ABTB3: variants seen among roughly 807,000 people sequenced by gnomAD.
ABTB3 encodes the protein ankyrin repeat- and BTB/POZ domain-containing protein 3.
chr12:107,543,678 T>C, the ABTB3 span, among the ~76,000 whole-genome samples: 2 of 152,118 alleles, frequency 1.3e-5, no homozygotes, highest in East Asian at 3.9e-4. Context: ...TTAGAAACAT[T>C]GGGTTCCAGA....
chr12:107,388,181 A>G, the ABTB3 span, among the ~76,000 whole-genome samples: 13 of 151,944 alleles, frequency 8.6e-5, no homozygotes, highest in Non-Finnish European at 2.9e-5. Flanking sequence ...CATGTTGCCC[A>G]GGCTAGCCTC....
the ABTB3 span, among the ~76,000 whole-genome samples, chr12:107,582,114 G>A: frequency 6.6e-6 from 1 of 152,140 alleles, no homozygotes; most frequent in African/African-American, 2.4e-5. Flanking sequence ...GATCTGATTG[G>A]GGTTCTGCAA....
the ABTB3 span, among the ~76,000 whole-genome samples, chr12:107,395,290 C>T: frequency 6.6e-6 from 1 of 151,460 alleles, no homozygotes; most frequent in Non-Finnish European, 1.5e-5. Flanking sequence ...ATTAGTACTT[C>T]CTCCTGGCAC....
chr12:107,338,946 C>G, the ABTB3 span, among the ~76,000 whole-genome samples: 1 of 152,188 alleles, frequency 6.6e-6, no homozygotes, highest in Non-Finnish European at 1.5e-5. Flanking sequence ...CTTGCCTCAG[C>G]CTCCAGGGTA....
chr12:107,411,686 T>G, the ABTB3 span, among the ~76,000 whole-genome samples: 2 of 152,218 alleles, frequency 1.3e-5, no homozygotes, highest in African/African-American at 2.4e-5. Context: ...AAGGGCCTCA[T>G]GAGCTATACA....
chr12:107,621,397 C>T, the ABTB3 span, among the ~76,000 whole-genome samples: 3,350 of 152,288 alleles, frequency 0.022, 129 homozygotes, highest in African/African-American at 0.076. Context: ...GAGACTTTCA[C>T]CTGAAATCAC....
At chr12:107,471,614 A>G in the ABTB3 span, among the ~76,000 whole-genome samples, 4 of 152,164 alleles carry the variant, frequency 2.6e-5, no homozygotes, top group African/African-American at 7.2e-5. Context: ...CTTTGCCTGC[A>G]ATCTGTAACT....
chr12:107,319,957 G>C, the ABTB3 span: 5 of 1,575,828 alleles, frequency 3.2e-6, no homozygotes, highest in Admixed American at 3.5e-5. Flanking sequence ...ACCACCATGC[G>C]CTCCACGAGG....
At chr12:107,640,322 C>T in the ABTB3 span, 2 of 1,568,580 alleles carry the variant, frequency 1.3e-6, no homozygotes, top group Non-Finnish European at 8.7e-7. Context: ...TCCTCATTTT[C>T]TTAACAATAA....
At chr12:107,479,614 C>T in the ABTB3 span, among the ~76,000 whole-genome samples, 1 of 152,072 alleles carries the variant, frequency 6.6e-6, no homozygotes, top group Non-Finnish European at 1.5e-5. Context: ...AATTTGTTCC[C>T]TGTCCCTTAA....
the ABTB3 span, among the ~76,000 whole-genome samples, chr12:107,524,055 CCT>C: frequency 1.1e-4 from 17 of 152,214 alleles, no homozygotes; most frequent in Non-Finnish European, 1.8e-4. Context: ...CTGCTCTTCA[CCT>C]AAGAGGCAGC....
At chr12:107,497,374 G>A in the ABTB3 span, among the ~76,000 whole-genome samples, 9 of 144,824 alleles carry the variant, frequency 6.2e-5, no homozygotes, top group African/African-American at 1.6e-4. Context: ...CATCACCATC[G>A]CCACCATCAT....
At chr12:107,543,426 C>T in the ABTB3 span, among the ~76,000 whole-genome samples, 2 of 151,262 alleles carry the variant, frequency 1.3e-5, no homozygotes, top group African/African-American at 4.9e-5. Context: ...GAGGGGGTTT[C>T]CTAGAGGAAT....
the ABTB3 span, among the ~76,000 whole-genome samples, chr12:107,450,274 G>A: frequency 6.6e-6 from 1 of 152,098 alleles, no homozygotes; most frequent in African/African-American, 2.4e-5. Flanking sequence ...TATTGTAGGG[G>A]CAAGGGAAAG....
the ABTB3 span, among the ~76,000 whole-genome samples, chr12:107,455,654 G>A: frequency 1.3e-5 from 2 of 152,300 alleles, no homozygotes; most frequent in East Asian, 3.9e-4. Context: ...CCAGGGGATA[G>A]CTCTATGGTT....
chr12:107,527,137 C>T, the ABTB3 span, among the ~76,000 whole-genome samples: 1 of 152,126 alleles, frequency 6.6e-6, no homozygotes, highest in Non-Finnish European at 1.5e-5. Context: ...CCCCTCCCCA[C>T]ATCACTCCCT....
chr12:107,394,562 T>C, the ABTB3 span, among the ~76,000 whole-genome samples: 3 of 152,366 alleles, frequency 2.0e-5, no homozygotes, highest in South Asian at 4.1e-4. Context: ...TTTTACAGCC[T>C]GACTCTTAGG....
the ABTB3 span, among the ~76,000 whole-genome samples, chr12:107,522,076 G>A: frequency 2.0e-5 from 3 of 151,956 alleles, no homozygotes; most frequent in African/African-American, 7.3e-5. Context: ...GCTTGCAGAT[G>A]GGTACCTTCT....
the ABTB3 span, among the ~76,000 whole-genome samples, chr12:107,431,042 A>G: frequency 6.6e-6 from 1 of 152,348 alleles, no homozygotes; most frequent in South Asian, 2.1e-4. Flanking sequence ...GAAACATGAG[A>G]ACAGGCACAT....
Sources: allele counts gnomAD v4.1 joint callset (sites outside exome capture counted in the v4.1 genomes callset), GRCh38; gene constraint gnomAD v4.1.1; transcripts MANE v1.5; gene names NCBI Gene and HGNC (gene_info 2026-07-23, HGNC 2026-07-21).